KCNIP4: variants seen among roughly 807,000 people sequenced by gnomAD.
The protein encoded by KCNIP4 is potassium voltage-gated channel interacting protein 4, also known as Kv channel-interacting protein 4.
Under a neutral mutation model 34.0 loss-of-function variants are expected in KCNIP4, and 12 were observed. The ratio of observed to expected loss-of-function variants is 0.35; its 90% CI spans 0.23 to 0.57. KCNIP4 has a LOEUF of 0.57. Ranked by LOEUF, KCNIP4 falls within the 20% of genes least tolerant of loss-of-function variation. The pLI is 0.83. For missense variants in KCNIP4, 238 were observed against 311.7 expected, an observed-to-expected ratio of 0.76 and a Z score of 1.78; for synonymous variants, 124 against 102.2, an observed-to-expected ratio of 1.21 and a Z score of -1.29.
intron 1 of KCNIP4, among the ~76,000 whole-genome samples, chr4:21,862,277 A>T (rs1725121342): frequency 2.6e-5 from 4 of 152,336 alleles, no homozygotes; most frequent in South Asian, 2.1e-4. Flanking sequence ...CAACAGAAAC[A>T]GAGGGAGACC....
intron 1 of KCNIP4, among the ~76,000 whole-genome samples, chr4:21,366,949 T>G (rs1719839869): frequency 6.6e-6 from 1 of 152,082 alleles, no homozygotes; most frequent in South Asian, 2.1e-4. Flanking sequence ...GCTGAGGCAT[T>G]TAGGAGGTGA....
chr4:21,330,616 A>G (rs998742358), intron 1 of KCNIP4, among the ~76,000 whole-genome samples: 1 of 152,120 alleles, frequency 6.6e-6, no homozygotes, highest in Non-Finnish European at 1.5e-5. Flanking sequence ...ATTTAATCCT[A>G]TTTGAATTTA....
chr4:20,848,493 A>G (rs1720640913), intron 3 of KCNIP4, among the ~76,000 whole-genome samples: 2 of 142,660 alleles, frequency 1.4e-5, no homozygotes. Flanking sequence ...GCAACAAAAA[A>G]AAACATAAAA....
intron 1 of KCNIP4, among the ~76,000 whole-genome samples, chr4:21,075,829 G>A (rs536095679): frequency 6.6e-6 from 1 of 152,246 alleles, no homozygotes; most frequent in South Asian, 2.1e-4. Flanking sequence ...TTTAGGGCAG[G>A]CCTGGTGGTG....
intron 1 of KCNIP4, among the ~76,000 whole-genome samples, chr4:21,900,877 A>G (rs77565120): frequency 0.2 from 30,767 of 152,006 alleles, 3,824 homozygotes; most frequent in Non-Finnish European, 0.28. Flanking sequence ...AATGACTACA[A>G]CAGTTCATCT....
intron 1 of KCNIP4, among the ~76,000 whole-genome samples, chr4:21,941,748 A>G (rs1192351559): frequency 2.0e-5 from 3 of 152,206 alleles, no homozygotes; most frequent in Non-Finnish European, 2.9e-5. Flanking sequence ...TCTATTTCCA[A>G]TGAGAGAGCC....
intron 1 of KCNIP4, among the ~76,000 whole-genome samples, chr4:21,616,357 A>G (rs1469081118): frequency 6.6e-6 from 1 of 151,896 alleles, no homozygotes; most frequent in Non-Finnish European, 1.5e-5. Context: ...ACTCTTTATT[A>G]CCATCTAACA....
At chr4:21,485,062 G>A (rs1731790542) in intron 1 of KCNIP4, among the ~76,000 whole-genome samples, 2 of 152,188 alleles carry the variant, frequency 1.3e-5, no homozygotes, top group Admixed American at 6.5e-5. Flanking sequence ...TTTTACTGGA[G>A]GGCAAAATTC....
At chr4:21,640,730 C>A (rs1746555095) in intron 1 of KCNIP4, among the ~76,000 whole-genome samples, 1 of 152,106 alleles carries the variant, frequency 6.6e-6, no homozygotes, top group African/African-American at 2.4e-5. Context: ...TTTGCTACCC[C>A]AGCCTAGTAA....
chr4:21,269,911 T>C (rs1762038285), intron 1 of KCNIP4, among the ~76,000 whole-genome samples: 1 of 152,170 alleles, frequency 6.6e-6, no homozygotes, highest in Non-Finnish European at 1.5e-5. Context: ...TGGTTTTGGA[T>C]GTGAGCTAAA....
intron 1 of KCNIP4, among the ~76,000 whole-genome samples, chr4:20,910,964 G>T (rs144696119): frequency 4.1e-4 from 62 of 152,052 alleles, no homozygotes; most frequent in Non-Finnish European, 6.8e-4. Flanking sequence ...TAAAAAAAGG[G>T]ATATCTTCAC....
chr4:20,952,121 G>A (rs565151556), intron 1 of KCNIP4, among the ~76,000 whole-genome samples: 6 of 152,090 alleles, frequency 3.9e-5, no homozygotes, highest in African/African-American at 1.4e-4. Context: ...CATTTAACAG[G>A]AAAAATTAAA....
intron 1 of KCNIP4, among the ~76,000 whole-genome samples, chr4:21,537,266 T>C (rs530883596): frequency 1.3e-5 from 2 of 152,278 alleles, no homozygotes; most frequent in African/African-American, 4.8e-5. Flanking sequence ...TTTTCAAACT[T>C]AAATTCTGTA....
At chr4:21,901,562 T>C (rs1263044742) in intron 1 of KCNIP4, among the ~76,000 whole-genome samples, 1 of 152,100 alleles carries the variant, frequency 6.6e-6, no homozygotes, top group East Asian at 1.9e-4. Context: ...AGAGGTAAAG[T>C]GGGGGCTGGA....
intron 1 of KCNIP4, among the ~76,000 whole-genome samples, chr4:21,036,042 C>T (rs901745830): frequency 6.6e-6 from 1 of 152,112 alleles, no homozygotes; most frequent in Non-Finnish European, 1.5e-5. Flanking sequence ...TGGGACTGTG[C>T]CTGAAATTAT....
intron 2 of KCNIP4, among the ~76,000 whole-genome samples, chr4:20,858,545 C>T (rs576194264): frequency 6.6e-6 from 1 of 152,146 alleles, no homozygotes; most frequent in Admixed American, 6.5e-5. Flanking sequence ...ATCTTCACAA[C>T]ATCTTTCAAG....
At chr4:21,484,013 T>A (rs1731689477) in intron 1 of KCNIP4, among the ~76,000 whole-genome samples, 2 of 152,078 alleles carry the variant, frequency 1.3e-5, no homozygotes, top group South Asian at 4.1e-4. Flanking sequence ...ACCTTTTTTT[T>A]TTTTATAGAT....
chr4:20,866,897 T>C (rs138930028), intron 2 of KCNIP4, among the ~76,000 whole-genome samples: 98 of 152,100 alleles, frequency 6.4e-4, no homozygotes, highest in African/African-American at 2.0e-3. Flanking sequence ...GAGAACACAG[T>C]CTCAATTACA....
chr4:21,623,306 G>C (rs1745109091), intron 1 of KCNIP4, among the ~76,000 whole-genome samples: 1 of 152,110 alleles, frequency 6.6e-6, no homozygotes, highest in Non-Finnish European at 1.5e-5. Flanking sequence ...CATGCTACTT[G>C]CTAGAAAAAT....
Sources: allele counts gnomAD v4.1 joint callset (sites outside exome capture counted in the v4.1 genomes callset), GRCh38; gene constraint gnomAD v4.1.1; transcripts MANE v1.5; gene names NCBI Gene and HGNC (gene_info 2026-07-23, HGNC 2026-07-21).